The following NWD2 variants were observed in gnomAD, a reference collection of about 807,000 sequenced individuals.
The protein encoded by NWD2 is NACHT and WD repeat domain-containing protein 2.
A neutral mutation model predicts 132.7 loss-of-function variants in NWD2; 37 were observed. The observed-to-expected ratio is 0.28, with a 90% CI of 0.21 to 0.37. The LOEUF is 0.37. Ranked by LOEUF, NWD2 falls within the 10% of genes least tolerant of loss-of-function variation. The pLI is 1.00. For synonymous variants in NWD2, 705 were observed against 803.0 expected (o/e 0.88, Z 2.06); for missense variants, 1,592 against 2,122.4 (o/e 0.75, Z 4.91).
chr4:37,284,495 C>T (rs369830298), intron 1 of NWD2, among the ~76,000 whole-genome samples: 1 of 152,190 alleles, frequency 6.6e-6, no homozygotes, highest in East Asian at 1.9e-4. Flanking sequence ...TTGAGGGACC[C>T]TCATTCCTTG....
At chr4:37,388,971 A>G (rs1720629066) in intron 3 of NWD2, among the ~76,000 whole-genome samples, 1 of 151,580 alleles carries the variant, frequency 6.6e-6, no homozygotes, top group African/African-American at 2.4e-5. Flanking sequence ...TGGAGAGTTG[A>G]TAAATAAAAA....
chr4:37,431,672 G>A (rs1267265929), intron 4 of NWD2, among the ~76,000 whole-genome samples: 2 of 152,146 alleles, frequency 1.3e-5, no homozygotes, highest in African/African-American at 2.4e-5. Context: ...GGATTTGTTA[G>A]TTAGCTTGAT....
rs1052367017 is a variant in NWD2, at chr4:37,418,302, T to TAAAC, written c.358-12269_358-12266dup. Among the ~76,000 whole-genome samples the TAAAC allele has an allele frequency of 2.8e-4, 42 of 151,738 alleles. No individual in the cohort carries two copies. In the East Asian group the frequency reaches 7.7e-3, roughly 28 times the overall value. On this transcript the variant is annotated intron_variant, in intron 3 of 6. Transcript: ENST00000309447. ...AAATATCAATGAGTCCATACTAATATAAACTGTTTAATAAATTAATACATA... is the reference window on the plus strand; with the variant it reads ...AAATATCAATGAGTCCATACTAATATAAACAAACTGTTTAATAAATTAATACATA...
intron 3 of NWD2, among the ~76,000 whole-genome samples, chr4:37,418,495 G>A (rs1472137484): frequency 1.3e-5 from 2 of 151,988 alleles, no homozygotes; most frequent in Admixed American, 6.6e-5. Context: ...GAGGGGAGAG[G>A]AATAACTTGA....
intron 1 of NWD2, among the ~76,000 whole-genome samples, chr4:37,251,095 A>G (rs1560376931): frequency 6.6e-6 from 1 of 152,214 alleles, no homozygotes; most frequent in African/African-American, 2.4e-5. Flanking sequence ...CCTGGCCAGC[A>G]TGGTGAAACC....
intron 2 of NWD2, among the ~76,000 whole-genome samples, chr4:37,353,442 C>T (rs1719810123): frequency 6.6e-6 from 1 of 152,114 alleles, no homozygotes; most frequent in Non-Finnish European, 1.5e-5. Context: ...GGGTGTTTTC[C>T]AACTTGGTTC....
chr4:37,350,799 A>C lies in NWD2; in HGVS notation c.241-5567A>C, dbSNP rs187150800. On this transcript the variant is annotated intron_variant, in intron 2 of 6. Coordinates refer to ENST00000309447, the MANE Select transcript of NWD2 (RefSeq NM_001144990.2). Reference sequence around the variant, plus strand: ...GAATGTTTCCAGTTTTTGCCCATTGAGTATGATATTGAATGTGGGTTTGTC... The same window carrying C: ...GAATGTTTCCAGTTTTTGCCCATTGCGTATGATATTGAATGTGGGTTTGTC... Among the ~76,000 whole-genome samples, 13 of 152,296 alleles carry C rather than the reference A, an allele frequency of 8.5e-5. No homozygotes were observed. The East Asian group carries it at 2.5e-3, about 29-fold the overall frequency.
Position 37,424,335 on chromosome 4 carries a change from T to C in NWD2, c.358-6237T>C, listed in dbSNP as rs191348296. Among the ~76,000 whole-genome samples, 20 of 152,248 alleles carry C rather than the reference T, an allele frequency of 1.3e-4. 1 individual carries two copies. The East Asian group carries it at 3.3e-3, about 25-fold the overall frequency. On this transcript the variant is annotated intron_variant, in intron 3 of 6. Coordinates refer to ENST00000309447, the MANE Select transcript of NWD2 (RefSeq NM_001144990.2). The stretch of plus-strand genomic sequence containing the variant: ...TGATGAAGTAGAAAGAATGGGGTTA[T>C]TAAATTTAAAGCCCCATATTCAGTT...
At chr4:37,321,933 A>T (rs1329039754) in intron 1 of NWD2, among the ~76,000 whole-genome samples, 3 of 152,200 alleles carry the variant, frequency 2.0e-5, no homozygotes, top group Non-Finnish European at 4.4e-5. Context: ...CACAGAAACC[A>T]GAGAAGAAAT....
chr4:37,282,120 C>A (rs991086565), intron 1 of NWD2, among the ~76,000 whole-genome samples: 1 of 152,080 alleles, frequency 6.6e-6, no homozygotes, highest in Non-Finnish European at 1.5e-5. Flanking sequence ...ACTCAATGGC[C>A]TCTCAACTTT....
chr4:37,304,845 G>A (rs2109277997), intron 1 of NWD2, among the ~76,000 whole-genome samples: 1 of 152,250 alleles, frequency 6.6e-6, no homozygotes, highest in East Asian at 1.9e-4. Context: ...CAATTCTGGG[G>A]GCTGGAGGAT....
chr4:37,374,819 T>C (rs1255781508), intron 3 of NWD2, among the ~76,000 whole-genome samples: 1 of 152,232 alleles, frequency 6.6e-6, no homozygotes, highest in East Asian at 1.9e-4. Flanking sequence ...ACATATATAG[T>C]ATTTTATAAA....
At chr4:37,265,231 G>T (rs192069473) in intron 1 of NWD2, among the ~76,000 whole-genome samples, 78 of 152,196 alleles carry the variant, frequency 5.1e-4, no homozygotes, top group Admixed American at 2.9e-3. Context: ...AATATTTACT[G>T]CAGTAAATTA....
intron 3 of NWD2, among the ~76,000 whole-genome samples, chr4:37,378,311 C>A (rs143352173): frequency 6.6e-6 from 1 of 151,990 alleles, no homozygotes; most frequent in Non-Finnish European, 1.5e-5. Context: ...TCTTTATGGA[C>A]GAGTTTAAGT....
chr4:37,265,160 AC>A (rs1717723192), intron 1 of NWD2, among the ~76,000 whole-genome samples: 1 of 152,138 alleles, frequency 6.6e-6, no homozygotes, highest in Non-Finnish European at 1.5e-5. Flanking sequence ...TAATGATAAT[AC>A]TGAATCATTC....
intron 3 of NWD2, among the ~76,000 whole-genome samples, chr4:37,376,725 A>T (rs571515157): frequency 6.6e-6 from 1 of 152,348 alleles, no homozygotes; most frequent in African/African-American, 2.4e-5. Flanking sequence ...CAAAGTGTTT[A>T]GTGTACAAAT....
intron 1 of NWD2, among the ~76,000 whole-genome samples, chr4:37,297,281 TC>T (rs1384569964): frequency 6.6e-6 from 1 of 152,190 alleles, no homozygotes; most frequent in East Asian, 1.9e-4. Flanking sequence ...TCTCTAGGTT[TC>T]TTATACTACC....
rs921653294 is a variant in NWD2, at chr4:37,312,664, A to G, written c.152-13272A>G. Among the ~76,000 whole-genome samples, 4 of 150,762 alleles carry G rather than the reference A, an allele frequency of 2.7e-5. 1 individual carries two copies. Among genetic ancestry groups the G allele is most frequent in the African/African-American group, 1.0e-4 (4 of 40,126 alleles). On this transcript the variant is annotated intron_variant, in intron 1 of 6. Transcript: ENST00000309447. ...TGCCCTGGCCAGAACTTCCAACACT[A>G]TGTTGAATAGGAGTGGTGAGAGAGG...
At chr4:37,271,469 A>G (rs1422057270) in intron 1 of NWD2, among the ~76,000 whole-genome samples, 1 of 151,830 alleles carries the variant, frequency 6.6e-6, no homozygotes, top group Non-Finnish European at 1.5e-5. Flanking sequence ...ATGTTATTTC[A>G]AGTGGAATTA....
Sources: gnomAD v4.1 joint callset for allele counts (sites outside exome capture counted in the v4.1 genomes callset) on GRCh38, gnomAD v4.1.1 for gene constraint, MANE v1.5 for transcripts, NCBI Gene and HGNC (gene_info 2026-07-23, HGNC 2026-07-21) for gene names.